MEI4: variants seen among roughly 807,000 people sequenced by gnomAD.
MEI4 encodes the protein meiotic double-stranded break formation protein 4.
In MEI4, 27 loss-of-function variants were observed where a neutral mutation model predicts 31.4. The observed-to-expected ratio is 0.86, with a 90% CI of 0.63 to 1.19. The LOEUF (loss-of-function observed/expected upper bound fraction) is 1.19. Ranked by LOEUF, MEI4 falls within the 50% of genes most tolerant of loss-of-function variation. The pLI is 0.00. For synonymous variants in MEI4, 122 were observed against 145.4 expected, an observed-to-expected ratio of 0.84 and a Z score of 1.16; for missense variants, 329 against 398.9, an observed-to-expected ratio of 0.82 and a Z score of 1.49.
intron 3 of MEI4, among the ~76,000 whole-genome samples, chr6:77,770,849 C>T (rs1768295426): frequency 6.6e-6 from 1 of 152,058 alleles, no homozygotes; most frequent in Non-Finnish European, 1.5e-5. Context: ...GGGAGATGAC[C>T]TAGGAAATAC....
chr6:77,752,516 T>A (rs936285933), intron 2 of MEI4, among the ~76,000 whole-genome samples: 1 of 151,984 alleles, frequency 6.6e-6, no homozygotes, highest in Non-Finnish European at 1.5e-5. Flanking sequence ...CAATTGCTAC[T>A]AAGAGAATAA....
At chr6:77,735,021 C>A (rs1165682887) in intron 2 of MEI4, among the ~76,000 whole-genome samples, 1 of 152,038 alleles carries the variant, frequency 6.6e-6, no homozygotes, top group East Asian at 1.9e-4. Context: ...GTCTGATGGG[C>A]TTCCCCTTGT....
intron 2 of MEI4, among the ~76,000 whole-genome samples, chr6:77,719,386 T>G (rs1256387015): frequency 7.6e-6 from 1 of 132,388 alleles, no homozygotes; most frequent in East Asian, 2.2e-4. Flanking sequence ...GATAAGTGAA[T>G]CTACAGATGG....
In MEI4 at chr6:77,841,333, A is replaced by ATTTTTTTTT. The variant is rs1239589008; in HGVS notation, c.900+12286_900+12294dup. Among the ~76,000 whole-genome samples, 30 of 27,736 alleles carry ATTTTTTTTT rather than the reference A, an allele frequency of 1.1e-3. 1 individual carries two copies. Among genetic ancestry groups the ATTTTTTTTT allele is most frequent in the East Asian group, 9.0e-3 (4 of 446 alleles). 18.2% of individuals were successfully genotyped at this position (27,736 alleles called of 152,430 possible). Reference sequence around the variant, plus strand: ...TGTGTGCATATATATATATATATATATTTTTTTTTTTTTTTTTTTTTTTGA... The same window carrying ATTTTTTTTT: ...TGTGTGCATATATATATATATATATATTTTTTTTTTTTTTTTTTTTTTTTTTTTTTTTGA... On this transcript the variant is annotated intron_variant, in intron 4 of 4. Transcript: ENST00000684080.
At chr6:77,872,751 C>G (rs1437701191) in intron 4 of MEI4, among the ~76,000 whole-genome samples, 2 of 116,020 alleles carry the variant, frequency 1.7e-5, no homozygotes, top group African/African-American at 3.3e-5. Flanking sequence ...CCACAACAGT[C>G]CCCAGAGTGT....
intron 4 of MEI4, among the ~76,000 whole-genome samples, chr6:77,841,578 G>T (rs1770366028): frequency 6.6e-6 from 1 of 151,572 alleles, no homozygotes; most frequent in Non-Finnish European, 1.5e-5. Flanking sequence ...CTGACCTTGG[G>T]TGATCCACCC....
At position 77,707,901 on chromosome 6, in the gene MEI4, C is replaced by T. The variant is rs114729687; in HGVS notation, c.232+16998C>T. On this transcript the variant is annotated intron_variant, in intron 2 of 4. Coordinates refer to ENST00000684080, the MANE Select transcript of MEI4 (RefSeq NM_001322247.2). ...GCATACAATGGAAGAGTGAAGGAGG[C>T]TTGGCAGCCTTCACCTAGATTTCAA... 4.7e-3 allele frequency among the ~76,000 whole-genome samples: 723 copies of T among 152,344 alleles called. 3 individuals are homozygous for T. The highest frequency in any genetic ancestry group is 0.017 in the African/African-American group (692 of 41,588).
chr6:77,857,103 T>C (rs926306878), intron 4 of MEI4, among the ~76,000 whole-genome samples: 1 of 152,098 alleles, frequency 6.6e-6, no homozygotes, highest in African/African-American at 2.4e-5. Context: ...TCCCAGCAGT[T>C]TTTTTTAGAG....
chr6:77,861,136 C>T (rs1770854966), intron 4 of MEI4, among the ~76,000 whole-genome samples: 1 of 152,156 alleles, frequency 6.6e-6, no homozygotes, highest in Admixed American at 6.5e-5. Context: ...GTCTGCCTCT[C>T]TTCACTGTAG....
chr6:77,862,794 C>A (rs192787926), intron 4 of MEI4, among the ~76,000 whole-genome samples: 2 of 152,204 alleles, frequency 1.3e-5, no homozygotes, highest in South Asian at 4.1e-4. Flanking sequence ...GGGTCCCTGA[C>A]CCCCAAGTAG....
intron 2 of MEI4, among the ~76,000 whole-genome samples, chr6:77,753,295 T>C (rs1290834351): frequency 6.6e-6 from 1 of 152,064 alleles, no homozygotes; most frequent in Non-Finnish European, 1.5e-5. Context: ...CAGAAGAAAC[T>C]ATCATCAGAG....
chr6:77,792,026 A>G (rs1768951186), intron 3 of MEI4, among the ~76,000 whole-genome samples: 1 of 152,146 alleles, frequency 6.6e-6, no homozygotes, highest in African/African-American at 2.4e-5. Context: ...TTTCTAATGT[A>G]AGAGAGATTA....
intron 4 of MEI4, among the ~76,000 whole-genome samples, chr6:77,880,881 G>A (rs1771473657): frequency 6.6e-6 from 1 of 150,690 alleles, no homozygotes. Context: ...TTTTAGCTCT[G>A]GATCTAAAAA....
At chr6:77,824,608 C>A (rs1440538593) in intron 3 of MEI4, among the ~76,000 whole-genome samples, 1 of 150,706 alleles carries the variant, frequency 6.6e-6, no homozygotes, top group African/African-American at 2.5e-5. Context: ...CCTGTAAGTT[C>A]TTTATGTTTT....
At chr6:77,789,026 A>G (rs1284795067) in intron 3 of MEI4, among the ~76,000 whole-genome samples, 1 of 152,198 alleles carries the variant, frequency 6.6e-6, no homozygotes, top group Admixed American at 6.5e-5. Context: ...ACAGTAACCA[A>G]AATAGCATGG....
rs1465757775 is a variant in MEI4, at chr6:77,820,894, T to C, written c.769-8037T>C. ...TTTTCCCATGTCGTTTCTTCTCCAG[T>C]AGTCTCTCTTAGTTTTTTTCTTTTT... is the stretch of plus-strand genomic sequence containing the variant. On this transcript the variant is annotated intron_variant, in intron 3 of 4. Transcript: ENST00000684080. This position sits in a 1 kb window ranked among gnomAD's most constrained non-coding sequence, Gnocchi z 4.5. 6.6e-6 allele frequency among the ~76,000 whole-genome samples: 1 copy of C among 151,954 alleles called. No homozygotes were observed. Among genetic ancestry groups the C allele is most frequent in the Non-Finnish European group, 1.5e-5 (1 of 67,990 alleles).
At chr6:77,792,071 A>C (rs959340040) in intron 3 of MEI4, among the ~76,000 whole-genome samples, 2 of 152,082 alleles carry the variant, frequency 1.3e-5, no homozygotes, top group Admixed American at 1.3e-4. Context: ...TGGTTATTTC[A>C]CCTAATGTAA....
At chr6:77,745,497 T>C (rs1383678508) in intron 2 of MEI4, among the ~76,000 whole-genome samples, 1 of 152,158 alleles carries the variant, frequency 6.6e-6, no homozygotes, top group African/African-American at 2.4e-5. Flanking sequence ...ACATAGAGAC[T>C]TAGACTCCCA....
intron 1 of MEI4, among the ~76,000 whole-genome samples, chr6:77,680,236 A>ATG (rs1311123282): frequency 2.0e-5 from 3 of 151,232 alleles, no homozygotes; most frequent in African/African-American, 7.3e-5. Flanking sequence ...CCGAGATCGC[A>ATG]CCACCGCACT....
Sources: gnomAD v4.1 joint callset for allele counts (sites outside exome capture counted in the v4.1 genomes callset) on GRCh38, gnomAD v4.1.1 for gene constraint, Gnocchi (gnomAD v3.1) non-coding constraint, MANE v1.5 for transcripts, NCBI Gene and HGNC (gene_info 2026-07-23, HGNC 2026-07-21) for gene names.